Variants in UNC13C observed in about 807,000 individuals in gnomAD.
The protein encoded by UNC13C is protein unc-13 homolog C.
In UNC13C, 174 loss-of-function variants were observed where a neutral mutation model predicts 245.4. The observed-to-expected ratio is 0.71, with a 90% CI of 0.63 to 0.80. The LOEUF (loss-of-function observed/expected upper bound fraction) is 0.80. Ranked by LOEUF, UNC13C falls within the 30% of genes least tolerant of loss-of-function variation. UNC13C has a pLI of 0.00. For missense variants in UNC13C, 2,829 were observed against 2,602.9 expected (o/e 1.09, Z -1.89); for synonymous variants, 992 against 895.1 (o/e 1.11, Z -1.93).
chr15:54,510,141 T>C (rs1566878690), intron 23 of UNC13C, among the ~76,000 whole-genome samples: 1 of 152,172 alleles, frequency 6.6e-6, no homozygotes, highest in Admixed American at 6.5e-5. Flanking sequence ...GAAGAGTCTA[T>C]CAAGCTAACT....
intron 30 of UNC13C, among the ~76,000 whole-genome samples, chr15:54,577,999 C>G (rs184186805): frequency 3.3e-4 from 51 of 152,242 alleles, no homozygotes; most frequent in Admixed American, 3.0e-3. Context: ...CCAGAATGAA[C>G]AAAAGAGCTT....
intron 25 of UNC13C, among the ~76,000 whole-genome samples, chr15:54,528,411 T>A (rs1213351262): frequency 1.3e-5 from 2 of 152,072 alleles, no homozygotes; most frequent in Non-Finnish European, 2.9e-5. Flanking sequence ...TTCGTAGGCA[T>A]TATTTTGTGA....
At chr15:54,340,429 A>G (rs2038701316) in intron 17 of UNC13C, among the ~76,000 whole-genome samples, 1 of 152,204 alleles carries the variant, frequency 6.6e-6, no homozygotes, top group Admixed American at 6.5e-5. Context: ...TCTTAGATTT[A>G]AGTTCCTTGA....
intron 1 of UNC13C, among the ~76,000 whole-genome samples, chr15:53,994,298 A>G (rs1456776331): frequency 6.6e-6 from 1 of 151,992 alleles, no homozygotes; most frequent in African/African-American, 2.4e-5. Flanking sequence ...AAAACTTTAA[A>G]AGATGTCTTG....
At chr15:54,208,258 G>A (rs977137510) in intron 4 of UNC13C, among the ~76,000 whole-genome samples, 6 of 151,930 alleles carry the variant, frequency 3.9e-5, no homozygotes, top group African/African-American at 1.5e-4. Flanking sequence ...GATGACCCCC[G>A]CCCTGTGATA....
chr15:54,536,233 G>T (rs146469692), intron 26 of UNC13C, among the ~76,000 whole-genome samples: 8 of 151,966 alleles, frequency 5.3e-5, no homozygotes, highest in African/African-American at 1.2e-4. Flanking sequence ...AAACCTAAAA[G>T]AAATGAATAA....
Position 54,546,851 on chromosome 15 carries a change from T to C in UNC13C, c.5820+6T>C. 1 of 1,568,894 alleles carries C rather than the reference T, an allele frequency of 6.4e-7. No homozygotes were observed. Among genetic ancestry groups the C allele is most frequent in the Non-Finnish European group, 8.6e-7 (1 of 1,159,612 alleles). On this transcript the variant is annotated splice_donor_region_variant and intron_variant, in intron 27 of 32. Transcript: ENST00000260323. ...CTCCTCTGACAGATCAAACAGTAAG[T>C]ATATAAAGTTTAGTTATGCTTTCAT...
intron 1 of UNC13C, among the ~76,000 whole-genome samples, chr15:53,979,611 A>C (rs1311251631): frequency 6.6e-6 from 1 of 152,196 alleles, no homozygotes; most frequent in Admixed American, 6.5e-5. Flanking sequence ...TACTTGTATC[A>C]TCAAGAGTAA....
chr15:54,501,499 TCTC>T (rs901884933), intron 22 of UNC13C, among the ~76,000 whole-genome samples: 11 of 152,114 alleles, frequency 7.2e-5, no homozygotes, highest in African/African-American at 2.7e-4. Flanking sequence ...TAAGGCCCCT[TCTC>T]CTCTTAAAAT....
Position 54,466,739 on chromosome 15 carries a change from G to T in UNC13C, c.4934-27869G>T, listed in dbSNP as rs369258113. 8.6e-5 allele frequency among the ~76,000 whole-genome samples: 13 copies of T among 151,936 alleles called. No homozygotes were observed. The East Asian group carries it at 2.3e-3, about 27-fold the overall frequency. Reference sequence around the variant, plus strand: ...TGGACATTCAGTGGAGGTGGGGTGGGATTGGAAGATTGATTTTCCCATTTA... The same window carrying T: ...TGGACATTCAGTGGAGGTGGGGTGGTATTGGAAGATTGATTTTCCCATTTA... On this transcript the variant is annotated intron_variant, in intron 19 of 32. Transcript: ENST00000260323.
At chr15:53,878,316 T>G in the UNC13C span, among the ~76,000 whole-genome samples, 6 of 152,292 alleles carry the variant, frequency 3.9e-5, no homozygotes, top group African/African-American at 1.4e-4. Flanking sequence ...TTTTTCATAC[T>G]CATACAGGAC....
chr15:53,900,196 T>C, the UNC13C span, among the ~76,000 whole-genome samples: 1 of 139,456 alleles, frequency 7.2e-6, no homozygotes, highest in Non-Finnish European at 1.5e-5. Context: ...AATAAGGAAT[T>C]ATAATTTTTT....
chr15:54,055,612 T>G (rs1897475997), intron 2 of UNC13C, among the ~76,000 whole-genome samples: 2 of 152,188 alleles, frequency 1.3e-5, no homozygotes, highest in African/African-American at 4.8e-5. Flanking sequence ...TCAGTATGCA[T>G]TTGGAAAGTG....
intron 19 of UNC13C, among the ~76,000 whole-genome samples, chr15:54,481,606 G>A (rs1893123406): frequency 6.6e-6 from 1 of 152,118 alleles, no homozygotes; most frequent in South Asian, 2.1e-4. Flanking sequence ...GTGAGGCTGG[G>A]CTCTCAAAAT....
At chr15:54,213,070 AG>A (rs758682336) in intron 4 of UNC13C, among the ~76,000 whole-genome samples, 2 of 152,052 alleles carry the variant, frequency 1.3e-5, no homozygotes, top group Non-Finnish European at 2.9e-5. Flanking sequence ...GAGGCAGAAA[AG>A]AAAACTTGGA....
chr15:54,088,958 G>C (rs144753779), intron 2 of UNC13C, among the ~76,000 whole-genome samples: 2 of 152,132 alleles, frequency 1.3e-5, no homozygotes, highest in Non-Finnish European at 2.9e-5. Context: ...AACTTGGCGG[G>C]GGGGAACATC....
the UNC13C span, among the ~76,000 whole-genome samples, chr15:53,896,938 G>A: frequency 6.6e-6 from 1 of 152,034 alleles, no homozygotes; most frequent in East Asian, 1.9e-4. Context: ...TCTCTAATGA[G>A]AAAAATAAAC....
chr15:54,587,756 C>T (rs1898568164), intron 30 of UNC13C, among the ~76,000 whole-genome samples: 1 of 152,140 alleles, frequency 6.6e-6, no homozygotes, highest in African/African-American at 2.4e-5. Flanking sequence ...GATTCTCTAC[C>T]TTGTGCATCT....
intron 26 of UNC13C, among the ~76,000 whole-genome samples, chr15:54,543,932 T>G (rs1896363756): frequency 6.6e-6 from 1 of 152,156 alleles, no homozygotes. Flanking sequence ...GGACTCATCC[T>G]TAACTGATTT....
Sources: gnomAD v4.1 joint callset for allele counts (sites outside exome capture counted in the v4.1 genomes callset) on GRCh38, gnomAD v4.1.1 for gene constraint, MANE v1.5 for transcripts, NCBI Gene and HGNC (gene_info 2026-07-23, HGNC 2026-07-21) for gene names.